VRTN: variants seen among roughly 807,000 people sequenced by gnomAD.
VRTN encodes the protein vertebrae development associated, also known as vertnin.
VRTN carries 5 observed loss-of-function variants against 18.2 expected under a neutral mutation model. The ratio of observed to expected loss-of-function variants is 0.27; its 90% CI spans 0.14 to 0.58. The LOEUF (loss-of-function observed/expected upper bound fraction) is 0.58, where lower values mean the gene tolerates loss of function less well. VRTN is among the 20% of genes least tolerant of loss of function. The pLI is 0.91. For synonymous variants in VRTN, 381 were observed against 393.7 expected, an observed-to-expected ratio of 0.97 and a Z score of 0.38; for missense variants, 741 against 939.4, an observed-to-expected ratio of 0.79 and a Z score of 2.76.
At chr14:74,314,478 C>T (rs2085407597) in intron 1 of VRTN, among the ~76,000 whole-genome samples, 1 of 145,416 alleles carries the variant, frequency 6.9e-6, no homozygotes, top group African/African-American at 2.6e-5. Context: ...CTCACTGCAA[C>T]CTTCACCTTC....
At chr14:74,304,452 G>C (rs1024379353) in intron 1 of VRTN, among the ~76,000 whole-genome samples, 1 of 152,100 alleles carries the variant, frequency 6.6e-6, no homozygotes, top group African/African-American at 2.4e-5. Flanking sequence ...CACCGTGCCC[G>C]GCCTACAGCT....
intron 1 of VRTN, among the ~76,000 whole-genome samples, chr14:74,306,760 A>C (rs1595160079): frequency 6.6e-6 from 1 of 151,232 alleles, no homozygotes; most frequent in South Asian, 2.1e-4. Context: ...ATGCCTAGCT[A>C]ATTTTTAAGT....
chr14:74,320,641 C>T (rs2085450108), intron 1 of VRTN, among the ~76,000 whole-genome samples: 2 of 113,912 alleles, frequency 1.8e-5, no homozygotes, highest in Admixed American at 1.2e-4. Flanking sequence ...GGCTAGAGTG[C>T]AGTGGCGTGA....
Position 74,342,782 on chromosome 14 carries a change from C to G in VRTN, c.-2+4898C>G, listed in dbSNP as rs182461477. Among the ~76,000 whole-genome samples the G allele has an allele frequency of 1.3e-3, 199 of 152,068 alleles. 1 individual carries two copies. The highest frequency in any genetic ancestry group is 2.4e-3 in the Non-Finnish European group (160 of 67,982). ...GGCGCATGACACCACACAGGGCTAACTTTTTCTTTTTTACTTTTGTGGAGA... is the reference window on the plus strand; with the variant it reads ...GGCGCATGACACCACACAGGGCTAAGTTTTTCTTTTTTACTTTTGTGGAGA... On this transcript the variant is annotated intron_variant, in intron 2 of 2. Transcript: ENST00000557177.
intron 1 of VRTN, among the ~76,000 whole-genome samples, chr14:74,315,907 C>T (rs1367628821): frequency 6.6e-6 from 1 of 152,202 alleles, no homozygotes; most frequent in African/African-American, 2.4e-5. Context: ...TGGCCCATCT[C>T]AGTTGCTTCC....
intron 1 of VRTN, chr14:74,306,172 A>G (rs796416319): frequency 1.3e-5 from 1 of 75,640 alleles, no homozygotes; most frequent in Non-Finnish European, 2.7e-5. Context: ...ATATATATAT[A>G]TTTTTTTTTT....
upstream of VRTN, among the ~76,000 whole-genome samples, chr14:74,344,181 G>T (rs1298490594): frequency 7.3e-6 from 1 of 136,414 alleles, no homozygotes; most frequent in Non-Finnish European, 1.5e-5. Context: ...GGCCAAAGGG[G>T]GAGGATCACT....
intron 1 of VRTN, among the ~76,000 whole-genome samples, chr14:74,336,640 G>T (rs576256187): frequency 2.0e-5 from 3 of 152,232 alleles, no homozygotes; most frequent in Admixed American, 1.3e-4. Flanking sequence ...TGACACATCA[G>T]TAGTGGGTAA....
intron 1 of VRTN, among the ~76,000 whole-genome samples, chr14:74,326,310 TG>T (rs1473679045): frequency 6.6e-6 from 1 of 152,130 alleles, no homozygotes; most frequent in East Asian, 1.9e-4. Context: ...GAAGTGGTCC[TG>T]GGGAAGCAGG....
At chr14:74,336,078 C>A (rs1029170385) in intron 1 of VRTN, among the ~76,000 whole-genome samples, 3 of 151,422 alleles carry the variant, frequency 2.0e-5, no homozygotes, top group South Asian at 2.1e-4. Context: ...AGAATGCATT[C>A]TTGTGGCAAA....
chr14:74,349,997 C>T (rs539636065), intron 1 of VRTN, among the ~76,000 whole-genome samples: 1 of 152,246 alleles, frequency 6.6e-6, no homozygotes, highest in East Asian at 1.9e-4. Flanking sequence ...GGGGCCAGGG[C>T]AGGCCAGCTG....
intron 1 of VRTN, among the ~76,000 whole-genome samples, chr14:74,311,914 A>G (rs1025531519): frequency 6.6e-6 from 1 of 151,228 alleles, no homozygotes; most frequent in African/African-American, 2.4e-5. Flanking sequence ...TATTACAGGC[A>G]TCCGCCACCA....
upstream of VRTN, among the ~76,000 whole-genome samples, chr14:74,343,819 C>T (rs140074752): frequency 2.1e-3 from 315 of 151,596 alleles, 1 homozygote; most frequent in African/African-American, 7.2e-3. Flanking sequence ...TTTTTTAAGA[C>T]GGAGTCTCAC....
chr14:74,307,051 A>C (rs2085356972), intron 1 of VRTN, among the ~76,000 whole-genome samples: 1 of 151,794 alleles, frequency 6.6e-6, no homozygotes, highest in African/African-American at 2.4e-5. Context: ...GAGTGAAGCT[A>C]ATTGTCAACT....
intron 1 of VRTN, among the ~76,000 whole-genome samples, chr14:74,332,260 G>GGCTT (rs1889034627): frequency 6.7e-6 from 1 of 148,210 alleles, no homozygotes; most frequent in Non-Finnish European, 1.5e-5. Flanking sequence ...CTGCTTACCT[G>GGCTT]GCTTTCACAC....
chr14:74,347,501 T>G (rs145972179), upstream of VRTN, among the ~76,000 whole-genome samples: 478 of 152,322 alleles, frequency 3.1e-3, 4 homozygotes, highest in Middle Eastern at 0.01. Flanking sequence ...TGGAGCATAA[T>G]GGATGCATGG....
chr14:74,332,320 A>C, intron 1 of VRTN, among the ~76,000 whole-genome samples: 1 of 116,968 alleles, frequency 8.5e-6, no homozygotes, highest in African/African-American at 3.2e-5. Flanking sequence ...CCTCCGGAGG[A>C]TCGACTCCTA....
intron 1 of VRTN, among the ~76,000 whole-genome samples, chr14:74,314,623 C>CT (rs1595162995): frequency 6.6e-6 from 1 of 151,876 alleles, no homozygotes; most frequent in African/African-American, 2.4e-5. Flanking sequence ...AGGATGGTCT[C>CT]TATCTCCTGA....
Position 74,336,339 on chromosome 14 carries a change from G to A in VRTN, c.-163-1384G>A, listed in dbSNP as rs1040721182. On this transcript the variant is annotated intron_variant, in intron 1 of 2. Coordinates refer to the VRTN transcript ENST00000557177. ...GGAGAATTGCTTGAACCTGGGAGGC[G>A]GAGGTTGCAGTTAGCCGAGATTGCA... Among the ~76,000 whole-genome samples, 47 of 151,880 alleles carry A rather than the reference G, an allele frequency of 3.1e-4. 1 individual carries two copies. Among genetic ancestry groups the A allele is most frequent in the Non-Finnish European group, 1.6e-4 (11 of 67,974 alleles).
Sources: gnomAD v4.1 joint callset for allele counts (sites outside exome capture counted in the v4.1 genomes callset) on GRCh38, gnomAD v4.1.1 for gene constraint, MANE v1.5 for transcripts, NCBI Gene and HGNC (gene_info 2026-07-23, HGNC 2026-07-21) for gene names.